TDRD1: variants seen among roughly 807,000 people sequenced by gnomAD.
The protein encoded by TDRD1 is tudor domain containing 1.
Under a neutral mutation model 140.6 loss-of-function variants are expected in TDRD1, and 37 were observed. That is an observed-to-expected ratio of 0.26 (90% confidence interval 0.20 to 0.35). The LOEUF (loss-of-function observed/expected upper bound fraction) is 0.35, where lower values mean the gene tolerates loss of function less well. Among genes scored for constraint, TDRD1 ranks in the 10% least tolerant of loss-of-function variants. The pLI is 1.00. For missense variants in TDRD1, 1,243 were observed against 1,393.0 expected (o/e 0.89, Z 1.71); for synonymous variants, 506 against 475.7 (o/e 1.06, Z -0.83).
chr10:114,228,373 T>A (rs1421290885), intron 25 of TDRD1: 2 of 1,230,142 alleles, frequency 1.6e-6, no homozygotes, highest in African/African-American at 1.5e-5. Flanking sequence ...CTTTCCTTAC[T>A]GTTGTTTGGT....
chr10:114,232,504 CTTTTTTT>C (rs140805425), downstream of TDRD1, among the ~76,000 whole-genome samples: 4 of 81,664 alleles, frequency 4.9e-5, no homozygotes, highest in South Asian at 5.2e-4. Context: ...ACTTGAAAGA[CTTTTTTT>C]TTTTTTTTTT....
At chr10:114,186,762 C>G (rs891895768) in intron 1 of TDRD1, among the ~76,000 whole-genome samples, 4 of 152,144 alleles carry the variant, frequency 2.6e-5, no homozygotes, top group East Asian at 1.9e-4. Flanking sequence ...AATAAGAGTT[C>G]CCTACTTTCG....
At chr10:114,206,422 G>A (rs2035106149) in intron 11 of TDRD1, 92 bp downstream of exon 11, 2 of 938,476 alleles carry the variant, frequency 2.1e-6, no homozygotes, top group Admixed American at 4.4e-5. Context: ...GCACTGTTAA[G>A]ACTTGTTAAC....
At chr10:114,212,059 A>T in intron 14 of TDRD1, 23 bp downstream of exon 14, 1 of 1,563,696 alleles carries the variant, frequency 6.4e-7, no homozygotes, top group Non-Finnish European at 8.6e-7. Context: ...TATAGCCTCC[A>T]TATTCTTTAA....
rs2034584764 is a variant in TDRD1, at chr10:114,199,467, C to T, written c.529+150C>T. On this transcript the variant is annotated intron_variant, in intron 4 of 25. Coordinates refer to ENST00000251864, the Ensembl canonical transcript of TDRD1. ...AGCCTCAGCAGCTGTCAGCATCCTG[C>T]TGTTCCTCTTCACCCATCCCTTCCC... is the stretch of plus-strand genomic sequence containing the variant. The T allele has an allele frequency of 9.2e-6, 9 of 975,034 alleles. No individual in the cohort carries two copies. The South Asian group carries it at 2.0e-4, about 21-fold the overall frequency. 60.4% of individuals were successfully genotyped at this position (975,034 alleles called of 1,614,324 possible). A position where few individuals can be genotyped will look rare whatever the true frequency, so the allele number is the denominator to read the frequency against.
rs186619884 is a variant in TDRD1, at chr10:114,214,709, C to G, written c.2212+595C>G. ...GTATCCCAGAAGTTTCCCTCCTATC[C>G]CCTCCCATCATTACCTCTTCTTTCT... On this transcript the variant is annotated intron_variant, in intron 16 of 25. Coordinates refer to ENST00000251864, the Ensembl canonical transcript of TDRD1. Among the ~76,000 whole-genome samples the G allele has an allele frequency of 1.1e-3, 173 of 151,840 alleles. 2 individuals carry two copies. The highest frequency in any genetic ancestry group is 4.1e-3 in the African/African-American group (171 of 41,416).
chr10:114,177,874 C>T (rs1373501983), upstream of TDRD1, among the ~76,000 whole-genome samples: 9 of 149,636 alleles, frequency 6.0e-5, no homozygotes, highest in Non-Finnish European at 1.3e-4. Context: ...CTCTGTTGCC[C>T]AGGCTGGAGT....
chr10:114,198,185 A>G (rs2034496583), intron 3 of TDRD1, among the ~76,000 whole-genome samples: 1 of 152,134 alleles, frequency 6.6e-6, no homozygotes, highest in South Asian at 2.1e-4. Context: ...ACAGCTCCCC[A>G]TCTGGTCTCT....
chr10:114,192,290 T>TA lies in TDRD1; in HGVS notation c.384+1271_384+1272insA, dbSNP rs879356181. On this transcript the variant is annotated intron_variant, in intron 3 of 25. Transcript: ENST00000251864. ...TTTCCCCAAAAAAGTTTGATAGTTT[T>TA]CCTTTTTTTTTTTTTTTTTTTTTTT... is the stretch of plus-strand genomic sequence containing the variant. Among the ~76,000 whole-genome samples, 1,371 of 138,278 alleles carry TA rather than the reference T, an allele frequency of 9.9e-3. 182 individuals carry two copies. Among genetic ancestry groups the TA allele is most frequent in the African/African-American group, 0.034 (1,244 of 36,270 alleles). 90.7% of individuals were successfully genotyped at this position (138,278 alleles called of 152,430 possible).
intron 3 of TDRD1, among the ~76,000 whole-genome samples, chr10:114,195,329 G>A (rs1019913696): frequency 6.6e-6 from 1 of 152,150 alleles, no homozygotes; most frequent in Non-Finnish European, 1.5e-5. Context: ...TGGGTCAGAC[G>A]ACCTATAAAT....
chr10:114,221,439 C>A, exon 20 of TDRD1: 1 of 1,613,324 alleles, frequency 6.2e-7, no homozygotes, highest in South Asian at 1.1e-5. Flanking sequence ...AAATCATAAG[C>A]CCAAACTTGT....
intron 21 of TDRD1, 70 bp downstream of exon 21, chr10:114,222,773 A>G: frequency 2.3e-6 from 2 of 867,098 alleles, no homozygotes; most frequent in Non-Finnish European, 3.7e-6. Context: ...GATACTATGT[A>G]GATTTTGGTA....
rs546108252 is a variant in TDRD1 at position 114,226,689 on chromosome 10, A to T, written c.3176-383A>T. On this transcript the variant is annotated intron_variant, in intron 22 of 25. Coordinates refer to ENST00000251864, the Ensembl canonical transcript of TDRD1. The stretch of plus-strand genomic sequence containing the variant: ...GAATTTGAACAAAGTGAACAAAAAT[A>T]CTTAAAGTAGCTTTTTACTGTCGCT... Among the ~76,000 whole-genome samples the T allele has an allele frequency of 2.0e-5, 3 of 152,378 alleles. No homozygotes were observed. In the South Asian group the frequency reaches 6.2e-4, roughly 32 times the overall value.
Position 114,203,369 on chromosome 10 carries a change from T to A in TDRD1, c.802-19T>A. On this transcript the variant is annotated intron_variant, in intron 7 of 25. Coordinates refer to ENST00000251864, the Ensembl canonical transcript of TDRD1. ...TGTGTGCCTTATGAATTATTCCTCT[T>A]TTTTTTTATCTTTGAAAGGGTACGG... 6.7e-7 allele frequency: 1 copy of A among 1,495,594 alleles called. No homozygotes were observed. Among genetic ancestry groups the A allele is most frequent in the Non-Finnish European group, 8.9e-7 (1 of 1,128,914 alleles). 92.6% of individuals were successfully genotyped at this position (1,495,594 alleles called of 1,614,324 possible).
intron 11 of TDRD1, among the ~76,000 whole-genome samples, chr10:114,209,539 A>G (rs1488492307): frequency 6.6e-6 from 1 of 152,188 alleles, no homozygotes; most frequent in Non-Finnish European, 1.5e-5. Flanking sequence ...ATGGTTTTTA[A>G]TTTGAGCCTA....
At chr10:114,210,773 C>G in intron 12 of TDRD1, 25 bp downstream of exon 12, 1 of 1,610,038 alleles carries the variant, frequency 6.2e-7, no homozygotes, top group Non-Finnish European at 8.5e-7. Flanking sequence ...TTGATTTGCT[C>G]TATGAAGCTA....
At chr10:114,197,953 G>A (rs1160786137) in intron 3 of TDRD1, among the ~76,000 whole-genome samples, 1 of 152,172 alleles carries the variant, frequency 6.6e-6, no homozygotes, top group Non-Finnish European at 1.5e-5. Flanking sequence ...ACCACACCCA[G>A]TCTCTGTATC....
At chr10:114,218,520 A>G in exon 18 of TDRD1, 2 of 1,612,184 alleles carry the variant, frequency 1.2e-6, no homozygotes, top group African/African-American at 1.3e-5. Flanking sequence ...CTGCAGATGA[A>G]CTCCGAATGA....
intron 3 of TDRD1, among the ~76,000 whole-genome samples, chr10:114,193,721 A>G (rs981494079): frequency 6.6e-6 from 1 of 152,064 alleles, no homozygotes; most frequent in Non-Finnish European, 1.5e-5. Flanking sequence ...GCTTTATTGC[A>G]TTTACTGTAG....
Sources: allele counts gnomAD v4.1 joint callset (sites outside exome capture counted in the v4.1 genomes callset), GRCh38; gene constraint gnomAD v4.1.1; transcripts MANE v1.5; gene names NCBI Gene and HGNC (gene_info 2026-07-23, HGNC 2026-07-21).